The following KIAA0319L variants were observed in gnomAD, a reference collection of about 807,000 sequenced individuals.
The protein encoded by KIAA0319L is KIAA0319 like, also known as dyslexia-associated protein KIAA0319-like protein.
Under a neutral mutation model 120.1 loss-of-function variants are expected in KIAA0319L, and 55 were observed. The observed-to-expected ratio is 0.46, with a 90% confidence interval of 0.37 to 0.57. The LOEUF is 0.57. Ranked by LOEUF, KIAA0319L falls within the 20% of genes least tolerant of loss-of-function variation. KIAA0319L has a pLI of 0.00. For synonymous variants in KIAA0319L, 398 were observed against 471.9 expected, an observed-to-expected ratio of 0.84 and a Z score of 2.03; for missense variants, 1,049 against 1,255.3, an observed-to-expected ratio of 0.84 and a Z score of 2.48.
chr1:35,481,814 CTTTTTTTTT>C (rs747721221), intron 3 of KIAA0319L, among the ~76,000 whole-genome samples: 62 of 48,974 alleles, frequency 1.3e-3, no homozygotes, highest in Non-Finnish European at 1.8e-3. Flanking sequence ...TCTGCTGTTT[CTTTTTTTTT>C]TTTTTTTTTT....
At chr1:35,456,528 G>C (rs544330792) in intron 9 of KIAA0319L, among the ~76,000 whole-genome samples, 3 of 152,022 alleles carry the variant, frequency 2.0e-5, no homozygotes, top group Admixed American at 6.5e-5. Context: ...GAAAGACAGA[G>C]AGGCCAGGTG....
In KIAA0319L at chr1:35,557,349, C is replaced by T. The variant is rs1195228761; in HGVS notation, c.-171G>A. ...GGAAGAAGGTAGTGCGGGCTCCCCA[C>T]CCGGACAGCTACCTCTCGCCTCAGC... On this transcript the variant is annotated 5_prime_UTR_variant, in exon 1 of 21. The change creates a new upstream start codon in the 5' untranslated region. Transcript: ENST00000325722. 3.5e-6 allele frequency: 1 copy of T among 286,374 alleles called. No homozygotes were observed. Among genetic ancestry groups the T allele is most frequent in the Non-Finnish European group, 6.9e-6 (1 of 145,354 alleles). 17.7% of individuals were successfully genotyped at this position (286,374 alleles called of 1,614,324 possible). A position where few individuals can be genotyped will look rare whatever the true frequency, so the allele number is the denominator to read the frequency against.
chr1:35,470,258 T>C (rs1356426740), intron 6 of KIAA0319L, among the ~76,000 whole-genome samples: 1 of 151,978 alleles, frequency 6.6e-6, no homozygotes, highest in African/African-American at 2.4e-5. Flanking sequence ...TTTGGAAGGC[T>C]GAGATGGGAG....
chr1:35,512,290 A>G (rs537194414), intron 2 of KIAA0319L, among the ~76,000 whole-genome samples: 1 of 148,384 alleles, frequency 6.7e-6, no homozygotes, highest in East Asian at 2.0e-4. Flanking sequence ...TAAATAAAAT[A>G]AAATAAAAAG....
chr1:35,548,751 T>C (rs1344271581), intron 2 of KIAA0319L, among the ~76,000 whole-genome samples: 3 of 152,264 alleles, frequency 2.0e-5, no homozygotes, highest in East Asian at 1.9e-4. Flanking sequence ...CTTTGTGACC[T>C]AGCCACCACC....
Position 35,479,080 on chromosome 1 carries a change from CTTG to C in KIAA0319L, c.796_798del (p.Gln266del). On this transcript the variant is annotated inframe_deletion, in exon 4 of 21. Transcript: ENST00000325722. ...ATCTGGGTTTTCTCAGAACTTTTTA[CTTG>C]TTGAGTGCTGGGCGTAGTAGCAAGA... is the stretch of plus-strand genomic sequence containing the variant. 1.2e-6 allele frequency: 2 copies of C among 1,614,162 alleles called. No individual in the cohort carries two copies. The highest frequency in any genetic ancestry group is 1.7e-6 in the Non-Finnish European group (2 of 1,180,022).
At chr1:35,547,607 ATAT>A (rs1196336672) in intron 2 of KIAA0319L, among the ~76,000 whole-genome samples, 1 of 152,236 alleles carries the variant, frequency 6.6e-6, no homozygotes, top group Non-Finnish European at 1.5e-5. Flanking sequence ...AACCTTGGAA[ATAT>A]TATGCTAAAT....
In KIAA0319L at chr1:35,506,596, T is replaced by C; in HGVS notation, c.666+16A>G. On this transcript the variant is annotated intron_variant, in intron 3 of 20. Transcript: ENST00000325722. This position sits in a 1 kb window ranked among gnomAD's most constrained non-coding sequence, Gnocchi z 4.0. Reference sequence around the variant, plus strand: ...GATTTAACCATTTCTCTGCTCCTTATTCATAGCATGCTTACCTCTGCAGAG... The same window carrying C: ...GATTTAACCATTTCTCTGCTCCTTACTCATAGCATGCTTACCTCTGCAGAG... 1.9e-6 allele frequency: 3 copies of C among 1,598,416 alleles called. No homozygotes were observed. Among genetic ancestry groups the C allele is most frequent in the Non-Finnish European group, 2.6e-6 (3 of 1,172,018 alleles).
chr1:35,452,409 T>C (rs901870668), intron 12 of KIAA0319L, among the ~76,000 whole-genome samples: 1 of 152,182 alleles, frequency 6.6e-6, no homozygotes, highest in Non-Finnish European at 1.5e-5. Flanking sequence ...TGTGCCAACA[T>C]TCAGGCTGCA....
Position 35,539,423 on chromosome 1 carries a change from C to T in KIAA0319L, c.142+14927G>A, listed in dbSNP as rs78753522. Among the ~76,000 whole-genome samples, 12 of 152,328 alleles carry T rather than the reference C, an allele frequency of 7.9e-5. 1 individual carries two copies. In the East Asian group the frequency reaches 2.3e-3, roughly 29 times the overall value. On this transcript the variant is annotated intron_variant, in intron 2 of 20. Coordinates refer to ENST00000325722, the MANE Select transcript of KIAA0319L (RefSeq NM_024874.5). ...TTTCACAGAAGGCGTAATAGGAAAA[C>T]TCGCTGTTATTTGAAAAGTCCATTG...
chr1:35,436,951 T>C (rs1459294290), intron 20 of KIAA0319L, among the ~76,000 whole-genome samples: 1 of 152,176 alleles, frequency 6.6e-6, no homozygotes, highest in Non-Finnish European at 1.5e-5. Context: ...ATTCTCCTCG[T>C]CCTCCTAGTG....
chr1:35,466,104 T>A (rs891301888), intron 7 of KIAA0319L, among the ~76,000 whole-genome samples: 1 of 152,206 alleles, frequency 6.6e-6, no homozygotes, highest in Admixed American at 6.5e-5. Context: ...GATTCCTTCC[T>A]ACTGCACTGT....
At chr1:35,452,337 C>T (rs893221401) in intron 12 of KIAA0319L, among the ~76,000 whole-genome samples, 4 of 152,206 alleles carry the variant, frequency 2.6e-5, no homozygotes, top group East Asian at 1.9e-4. Flanking sequence ...ACCTAGGACA[C>T]CCTACAACCC....
At position 35,442,922 on chromosome 1, in the gene KIAA0319L, A is replaced by G. The variant is rs1641333157; in HGVS notation, c.2763T>C (p.Asp921=). ...MENFIKVQLR[D]GDSNCEWSVL... Reference sequence around the variant, plus strand: ...AAAACTCACCACAGTTGCTGTCTCCATCCCTCAGCTGCACCTTGATGAAAT... The same window carrying G: ...AAAACTCACCACAGTTGCTGTCTCCGTCCCTCAGCTGCACCTTGATGAAAT... Residue 921 remains aspartate, a synonymous_variant, in exon 18 of 21, where the codon GAT becomes GAC. Coordinates refer to ENST00000325722, the MANE Select transcript of KIAA0319L (RefSeq NM_024874.5). 6.2e-7 allele frequency: 1 copy of G among 1,614,214 alleles called. No individual in the cohort carries two copies.
chr1:35,463,407 A>T (rs11583031), intron 7 of KIAA0319L, among the ~76,000 whole-genome samples: 4,908 of 152,336 alleles, frequency 0.032, 114 homozygotes, highest in Middle Eastern at 0.068. Flanking sequence ...GCTGTGGGCA[A>T]TAAAGACCTT....
intron 2 of KIAA0319L, among the ~76,000 whole-genome samples, chr1:35,529,774 T>C (rs1326692524): frequency 6.6e-6 from 1 of 152,210 alleles, no homozygotes; most frequent in Non-Finnish European, 1.5e-5. Flanking sequence ...TTGACTATCA[T>C]GTGCCAAGGA....
At chr1:35,517,717 A>T (rs1030349538) in intron 2 of KIAA0319L, among the ~76,000 whole-genome samples, 1 of 152,252 alleles carries the variant, frequency 6.6e-6, no homozygotes, top group African/African-American at 2.4e-5. Flanking sequence ...CAAAATTGAC[A>T]AATGGGATCT....
chr1:35,496,946 C>CAAAAAAAAAAAAAAAAAA lies in KIAA0319L; in HGVS notation c.666+9665_666+9666insTTTTTTTTTTTTTTTTTT, dbSNP rs1558484218. 3.1e-5 allele frequency among the ~76,000 whole-genome samples: 2 copies of CAAAAAAAAAAAAAAAAAA among 64,394 alleles called. 1 individual carries two copies. Among genetic ancestry groups the CAAAAAAAAAAAAAAAAAA allele is most frequent in the Non-Finnish European group, 4.6e-5 (2 of 43,564 alleles). The allele number at this position is 64,394 out of a possible 152,430, so 42.2% of individuals were successfully genotyped here. On this transcript the variant is annotated intron_variant, in intron 3 of 20. Coordinates refer to ENST00000325722, the MANE Select transcript of KIAA0319L (RefSeq NM_024874.5). ...TGAGCAACAGAGTGAGATTGTGTCT[C>CAAAAAAAAAAAAAAAAAA]CAAAAAAAAAAAAAAAAAAAAAAAG...
chr1:35,548,739 T>A (rs554712956), intron 2 of KIAA0319L, among the ~76,000 whole-genome samples: 1 of 152,228 alleles, frequency 6.6e-6, no homozygotes, highest in South Asian at 2.1e-4. Context: ...GCATACAAGA[T>A]CCTTTGTGAC....
Sources: gnomAD v4.1 joint callset for allele counts (sites outside exome capture counted in the v4.1 genomes callset) on GRCh38, gnomAD v4.1.1 for gene constraint, Gnocchi (gnomAD v3.1) non-coding constraint, MANE v1.5 for transcripts, NCBI Gene and HGNC (gene_info 2026-07-23, HGNC 2026-07-21) for gene names.